The following GRM8 variants were observed in gnomAD, a reference collection of about 807,000 sequenced individuals.
GRM8 encodes the protein metabotropic glutamate receptor 8.
GRM8 carries 47 observed loss-of-function variants against 87.2 expected under a neutral mutation model. The ratio of observed to expected loss-of-function variants is 0.54; its 90% CI spans 0.43 to 0.69. GRM8 has a LOEUF of 0.69. GRM8 is among the 30% of genes least tolerant of loss of function. GRM8 has a pLI of 0.00. For missense variants in GRM8, 1,019 were observed against 1,139.2 expected (o/e 0.89, Z 1.52); for synonymous variants, 396 against 404.5 (o/e 0.98, Z 0.25).
chr7:126,951,270 ACTAT>A (rs1257354134), intron 3 of GRM8, among the ~76,000 whole-genome samples: 5 of 152,228 alleles, frequency 3.3e-5, no homozygotes, highest in Admixed American at 2.6e-4. Flanking sequence ...AACTAAAGAA[ACTAT>A]CTACAGAGGG....
intron 6 of GRM8, among the ~76,000 whole-genome samples, chr7:126,810,048 G>T (rs1793139396): frequency 6.6e-6 from 1 of 151,960 alleles, no homozygotes; most frequent in African/African-American, 2.4e-5. Flanking sequence ...AATTATTTAG[G>T]GTATGACCTA....
intron 2 of GRM8, among the ~76,000 whole-genome samples, chr7:127,117,270 GC>G: frequency 5.3e-5 from 1 of 18,776 alleles, no homozygotes; most frequent in East Asian, 4.2e-4. Flanking sequence ...ACCTGGCTTT[GC>G]TTTGCTTTGC....
chr7:126,611,318 T>C (rs566629884), intron 7 of GRM8, among the ~76,000 whole-genome samples: 1 of 152,344 alleles, frequency 6.6e-6, no homozygotes, highest in South Asian at 2.1e-4. Flanking sequence ...GTAATAATGA[T>C]ACTTTTCTCA....
chr7:126,741,883 C>A (rs1338729001), intron 7 of GRM8, among the ~76,000 whole-genome samples: 2 of 151,984 alleles, frequency 1.3e-5, no homozygotes, highest in Non-Finnish European at 2.9e-5. Context: ...AAATGGGGAT[C>A]CCAAGAGTAC....
chr7:126,576,873 A>G (rs1265068916), intron 8 of GRM8, among the ~76,000 whole-genome samples: 1 of 152,096 alleles, frequency 6.6e-6, no homozygotes, highest in Non-Finnish European at 1.5e-5. Flanking sequence ...TACAGCCCCC[A>G]TTGACTCTGT....
At chr7:126,852,340 G>A (rs1044319351) in intron 6 of GRM8, among the ~76,000 whole-genome samples, 3 of 152,124 alleles carry the variant, frequency 2.0e-5, no homozygotes, top group Non-Finnish European at 4.4e-5. Flanking sequence ...GATATCATTA[G>A]ACAAAAGCTT....
At chr7:126,710,696 A>G (rs1452416125) in intron 7 of GRM8, among the ~76,000 whole-genome samples, 3 of 152,186 alleles carry the variant, frequency 2.0e-5, no homozygotes, top group Non-Finnish European at 1.5e-5. Flanking sequence ...CTTTAAATTC[A>G]TCCATGAGGG....
At chr7:127,121,346 G>A (rs1295664991) in intron 2 of GRM8, among the ~76,000 whole-genome samples, 2 of 152,154 alleles carry the variant, frequency 1.3e-5, no homozygotes, top group African/African-American at 4.8e-5. Flanking sequence ...AATAGAGGGA[G>A]AGAATAGTAC....
rs550081171 is a variant in GRM8, at chr7:127,204,351, C to G, written c.510+38344G>C. ...CAAAGCAATGTGGTCAGGAAAGCAG[C>G]TTCCCCGTTCTGCAGCAGCTAAATG... is the stretch of plus-strand genomic sequence containing the variant. On this transcript the variant is annotated intron_variant, in intron 2 of 10. Coordinates refer to ENST00000339582, the MANE Select transcript of GRM8 (RefSeq NM_000845.3). Among the ~76,000 whole-genome samples the G allele has an allele frequency of 1.1e-4, 16 of 152,320 alleles. No homozygotes were observed. The South Asian group carries it at 3.1e-3, about 30-fold the overall frequency.
At chr7:126,966,139 C>CT (rs1220831926) in intron 3 of GRM8, among the ~76,000 whole-genome samples, 5 of 151,790 alleles carry the variant, frequency 3.3e-5, no homozygotes, top group Admixed American at 6.6e-5. Context: ...TGTTGCTGTT[C>CT]TTTTTTTTGT....
intron 6 of GRM8, among the ~76,000 whole-genome samples, chr7:126,850,875 G>A (rs188609180): frequency 1.1e-4 from 16 of 152,252 alleles, no homozygotes; most frequent in Non-Finnish European, 1.5e-5. Flanking sequence ...AGGTAACAGT[G>A]CGAGGCAGGC....
intron 7 of GRM8, among the ~76,000 whole-genome samples, chr7:126,693,557 A>G (rs925851272): frequency 6.6e-6 from 1 of 152,144 alleles, no homozygotes; most frequent in African/African-American, 2.4e-5. Flanking sequence ...TTATATTCCA[A>G]TCTATTGACA....
At chr7:127,144,929 A>G (rs1563540952) in intron 2 of GRM8, among the ~76,000 whole-genome samples, 1 of 152,112 alleles carries the variant, frequency 6.6e-6, no homozygotes, top group Non-Finnish European at 1.5e-5. Context: ...AGCAGAAAAA[A>G]ATGATCTTTC....
At chr7:127,197,378 T>C (rs1020565973) in intron 2 of GRM8, among the ~76,000 whole-genome samples, 1 of 152,236 alleles carries the variant, frequency 6.6e-6, no homozygotes, top group East Asian at 1.9e-4. Context: ...CATTTTAGTT[T>C]GTACTTGAAG....
chr7:126,875,788 CTATCTCCAA>C (rs1482921659), intron 6 of GRM8, among the ~76,000 whole-genome samples: 1 of 152,012 alleles, frequency 6.6e-6, no homozygotes, highest in Non-Finnish European at 1.5e-5. Context: ...ATGGGTCTCC[CTATCTCCAA>C]TCTCACCAAT....
chr7:126,598,138 T>C (rs1251977378), intron 8 of GRM8, among the ~76,000 whole-genome samples: 1 of 152,072 alleles, frequency 6.6e-6, no homozygotes, highest in East Asian at 1.9e-4. Context: ...CTCAGTCATA[T>C]GTGGTCTACC....
chr7:126,839,357 T>C (rs550891481), intron 6 of GRM8, among the ~76,000 whole-genome samples: 1 of 152,276 alleles, frequency 6.6e-6, no homozygotes, highest in African/African-American at 2.4e-5. Flanking sequence ...TGGATTTTAA[T>C]AAGATATCCA....
chr7:126,596,981 T>C (rs1329091175), intron 8 of GRM8, among the ~76,000 whole-genome samples: 1 of 152,116 alleles, frequency 6.6e-6, no homozygotes, highest in African/African-American at 2.4e-5. Flanking sequence ...CAAATACTAG[T>C]AAAATTTAGT....
intron 2 of GRM8, among the ~76,000 whole-genome samples, chr7:127,155,583 T>C (rs2116154236): frequency 6.6e-6 from 1 of 152,174 alleles, no homozygotes; most frequent in South Asian, 2.1e-4. Context: ...GGTGGATATG[T>C]GGCAATTGGA....
Sources: gnomAD v4.1 joint callset for allele counts (sites outside exome capture counted in the v4.1 genomes callset) on GRCh38, gnomAD v4.1.1 for gene constraint, MANE v1.5 for transcripts, NCBI Gene and HGNC (gene_info 2026-07-23, HGNC 2026-07-21) for gene names.